LACC1: variants seen among roughly 807,000 people sequenced by gnomAD.
The protein encoded by LACC1 is laccase domain multifunctional purine nucleosidase 1, also known as purine nucleoside phosphorylase LACC1.
Under a neutral mutation model 34.8 loss-of-function variants are expected in LACC1, and 25 were observed. The observed-to-expected ratio is 0.72, with a 90% confidence interval of 0.52 to 1.00. The LOEUF is 1.00. Ranked by LOEUF, LACC1 falls within the 50% of genes least tolerant of loss-of-function variation. The pLI is 0.00. For synonymous variants in LACC1, 162 were observed against 168.0 expected (o/e 0.96, Z 0.28); for missense variants, 426 against 511.2 (o/e 0.83, Z 1.61).
intron 6 of LACC1, among the ~76,000 whole-genome samples, chr13:43,890,703 T>C (rs1955536284): frequency 6.6e-6 from 1 of 152,236 alleles, no homozygotes; most frequent in Non-Finnish European, 1.5e-5. Flanking sequence ...AATCTTTGCA[T>C]AAACATTCTG....
At chr13:43,891,341 T>G in intron 6 of LACC1, 108 bp from the exon 7 acceptor site, 1 of 380,628 alleles carries the variant, frequency 2.6e-6, no homozygotes, top group Non-Finnish European at 3.6e-6. Context: ...TTACAATGTT[T>G]TTAGCTCTTT....
rs1955602645 is a variant in LACC1 at position 43,892,328 on chromosome 13, A to T, written c.*881A>T. 1 of 151,932 alleles carries T rather than the reference A, an allele frequency of 6.6e-6. No homozygotes were observed. Among genetic ancestry groups the T allele is most frequent in the African/African-American group, 2.4e-5 (1 of 41,406 alleles). 9.4% of individuals were successfully genotyped at this position (151,932 alleles called of 1,614,324 possible). ...AAAAAGAAATAATGAAGATCCAATG[A>T]AGGAAGTGGAAATTAAAATAGGGAA... On this transcript the variant is annotated 3_prime_UTR_variant, in exon 7 of 7. Coordinates refer to ENST00000325686, the MANE Select transcript of LACC1 (RefSeq NM_153218.4).
chr13:43,887,504 C>G (rs1955383791), intron 4 of LACC1, among the ~76,000 whole-genome samples: 1 of 152,140 alleles, frequency 6.6e-6, no homozygotes, highest in East Asian at 1.9e-4. Context: ...ATGGTTTTAT[C>G]TTAGAACACT....
intron 4 of LACC1, among the ~76,000 whole-genome samples, chr13:43,886,885 A>G (rs1322440733): frequency 6.6e-6 from 1 of 152,206 alleles, no homozygotes; most frequent in African/African-American, 2.4e-5. Context: ...TTAACTAGAT[A>G]TGTATATATA....
intron 4 of LACC1, among the ~76,000 whole-genome samples, chr13:43,885,980 G>A (rs1225962974): frequency 6.6e-5 from 10 of 151,904 alleles, no homozygotes; most frequent in Non-Finnish European, 1.0e-4. Flanking sequence ...AGACTTACAC[G>A]TGGTCAACAA....
intron 4 of LACC1, 73 bp downstream of exon 4, chr13:43,884,009 A>G (rs1435279289): frequency 1.5e-6 from 2 of 1,292,006 alleles, no homozygotes; most frequent in East Asian, 4.7e-5. Context: ...TTTCTTTCTG[A>G]TGGACATGGC....
chr13:43,881,435 C>T lies in LACC1; in HGVS notation c.450C>T (p.Asn150=), dbSNP rs747401528. 31 of 1,613,820 alleles carry T rather than the reference C, an allele frequency of 1.9e-5. No homozygotes were observed. The highest frequency in any genetic ancestry group is 1.8e-4 in the Admixed American group (11 of 59,990). The part of the protein sequence containing the change: ...GGLFKQSIEI[N]VITAQELRGI... ...TTTTTAAACAGTCCATTGAAATAAA[C>T]GTAATCACAGCTCAAGAACTAAGAG... The change falls in exon 2 of 7, where the codon AAC becomes AAT. Residue 150 remains asparagine (N), a synonymous_variant. Coordinates refer to ENST00000325686, the MANE Select transcript of LACC1 (RefSeq NM_153218.4).
intron 3 of LACC1, among the ~76,000 whole-genome samples, chr13:43,882,975 G>A (rs749632101): frequency 5.9e-5 from 9 of 151,948 alleles, no homozygotes; most frequent in Non-Finnish European, 1.2e-4. Context: ...ACACACACAC[G>A]TACTCATGCT....
chr13:43,888,384 G>A (rs185533132), intron 4 of LACC1, among the ~76,000 whole-genome samples: 1 of 152,138 alleles, frequency 6.6e-6, no homozygotes, highest in Non-Finnish European at 1.5e-5. Flanking sequence ...ACAACAATGT[G>A]AGTTCAACAC....
chr13:43,887,573 G>A (rs1201122811), intron 4 of LACC1, among the ~76,000 whole-genome samples: 1 of 152,166 alleles, frequency 6.6e-6, no homozygotes, highest in East Asian at 1.9e-4. Context: ...GGGCAAGTGG[G>A]AAGGGAGTAA....
chr13:43,879,811 G>A (rs1954876596), upstream of LACC1: 1 of 51,230 alleles, frequency 2.0e-5, no homozygotes, highest in African/African-American at 3.9e-5. Flanking sequence ...GGCGAGGCGG[G>A]GCGAGGTGGG....
In LACC1 at chr13:43,880,105, C is replaced by T. The variant is rs537443153; in HGVS notation, c.-49C>T. 4 of 151,454 alleles carry T rather than the reference C, an allele frequency of 2.6e-5. No homozygotes were observed. The highest frequency in any genetic ancestry group is 5.9e-5 in the Non-Finnish European group (4 of 68,088). 9.4% of individuals were successfully genotyped at this position (151,454 alleles called of 1,614,324 possible). On this transcript the variant is annotated 5_prime_UTR_variant, in exon 1 of 7. Coordinates refer to ENST00000325686, the MANE Select transcript of LACC1 (RefSeq NM_153218.4). Reference sequence around the variant, plus strand: ...AGGTGCAGAGCCACAGCCTGCGCCCCGTGAGCCGAGGCGGGTAGGAGGAAC... The same window carrying T: ...AGGTGCAGAGCCACAGCCTGCGCCCTGTGAGCCGAGGCGGGTAGGAGGAAC...
chr13:43,886,526 T>C lies in LACC1; in HGVS notation c.908-2231T>C, dbSNP rs559672582. 3.3e-5 allele frequency among the ~76,000 whole-genome samples: 5 copies of C among 152,204 alleles called. No individual in the cohort carries two copies. The South Asian group carries it at 6.2e-4, about 19-fold the overall frequency. Reference sequence around the variant, plus strand: ...AACAGAAAATCAGATACCATATGTATCCTTTAAGTGGGAGCTACACATTGA... The same window carrying C: ...AACAGAAAATCAGATACCATATGTACCCTTTAAGTGGGAGCTACACATTGA... On this transcript the variant is annotated intron_variant, in intron 4 of 6. Transcript: ENST00000325686.
chr13:43,883,588 CTTAAATAG>C (rs1955177953), intron 3 of LACC1, among the ~76,000 whole-genome samples, 175 bp from the exon 4 acceptor site: 1 of 151,870 alleles, frequency 6.6e-6, no homozygotes, highest in African/African-American at 2.4e-5. Context: ...AATCTAAAAT[CTTAAATAG>C]TTAAATTATA....
rs993327362 is a variant in LACC1, at chr13:43,892,139, T to C, written c.*692T>C. On this transcript the variant is annotated 3_prime_UTR_variant, in exon 7 of 7. Coordinates refer to ENST00000325686, the MANE Select transcript of LACC1 (RefSeq NM_153218.4). ...ATAAGTAAGGGTCTCAAATGCAATG[T>C]CAAAGAGCTTGCAGTTTATTTTCCA... is the stretch of plus-strand genomic sequence containing the variant. 6.7e-6 allele frequency: 1 copy of C among 149,570 alleles called. No homozygotes were observed. The highest frequency in any genetic ancestry group is 1.9e-4 in the East Asian group (1 of 5,160). The allele number at this position is 149,570 out of a possible 1,614,324, so 9.3% of individuals were successfully genotyped here. A position where few individuals can be genotyped will look rare whatever the true frequency, so the allele number is the denominator to read the frequency against.
At chr13:43,889,964 T>G in intron 5 of LACC1, 150 bp from the exon 6 acceptor site, 1 of 624,848 alleles carries the variant, frequency 1.6e-6, no homozygotes, top group African/African-American at 1.9e-5. Flanking sequence ...CCCTGACTAG[T>G]CCATGTTCTG....
rs771075557 is a variant in LACC1, at chr13:43,881,017, G to A, written c.32G>A (p.Gly11Asp). The A allele has an allele frequency of 6.8e-6, 11 of 1,613,204 alleles. No individual in the cohort carries two copies. The highest frequency in any genetic ancestry group is 9.3e-6 in the Non-Finnish European group (11 of 1,179,594). MAEAVLIDLFGLKLNSQKNCH... is the reference protein window; with the variant it reads MAEAVLIDLFDLKLNSQKNCH... ...GAAGCTGTTTTGATTGATCTTTTTG[G>A]TTTGAAATTGAACTCTCAAAAAAAC... is the stretch of plus-strand genomic sequence containing the variant. The change falls in exon 2 of 7, where the codon GGT becomes GAT. Residue 11 changes from glycine to aspartate, a missense_variant. Gly to Asp is a moderately conservative substitution (Grantham distance 94). Coordinates refer to ENST00000325686, the MANE Select transcript of LACC1 (RefSeq NM_153218.4).
At position 43,881,377 on chromosome 13, in the gene LACC1, T is replaced by G; in HGVS notation, c.392T>G (p.Phe131Cys). Residue 131 changes from phenylalanine (F) to cysteine (C), a missense_variant, in exon 2 of 7, where the codon TTT becomes TGT. Physicochemically the swap from Phe to Cys is radical, Grantham distance 205. This residue lies in a region of LACC1 where 217 missense variants were observed against 210.9 expected (regional missense o/e 1.03). Transcript: ENST00000325686. ...QLFTDVYNFE[F>C]EDLQVTFRGG... ...TTCACTGATGTTTACAATTTTGAAT[T>G]TGAAGATTTGCAAGTGACTTTTAGG... 1 of 1,614,148 alleles carries G rather than the reference T, an allele frequency of 6.2e-7. No individual in the cohort carries two copies. Among genetic ancestry groups the G allele is most frequent in the Non-Finnish European group, 8.5e-7 (1 of 1,180,012 alleles).
chr13:43,880,744 A>G (rs776671907), intron 1 of LACC1, among the ~76,000 whole-genome samples: 7 of 152,234 alleles, frequency 4.6e-5, no homozygotes, highest in Non-Finnish European at 8.8e-5. Context: ...CAGCATTTTC[A>G]CAAAACGAAT....
Sources: gnomAD v4.1 joint callset for allele counts (sites outside exome capture counted in the v4.1 genomes callset) on GRCh38, gnomAD v4.1.1 for gene constraint, gnomAD v4.1.1 regional missense constraint, MANE v1.5 for transcripts, NCBI Gene and HGNC (gene_info 2026-07-23, HGNC 2026-07-21) for gene names.